Variants in PTPRM observed in about 807,000 individuals in gnomAD.
PTPRM encodes protein tyrosine phosphatase receptor type M, also known as receptor-type tyrosine-protein phosphatase mu.
A neutral mutation model predicts 186.7 loss-of-function variants in PTPRM; 47 were observed. That is an observed-to-expected ratio of 0.25 (90% CI 0.20 to 0.32). The LOEUF (loss-of-function observed/expected upper bound fraction) is 0.32, where lower values mean the gene tolerates loss of function less well. Ranked by LOEUF, PTPRM falls within the 10% of genes least tolerant of loss-of-function variation. The pLI is 1.00. For synonymous variants in PTPRM, 668 were observed against 674.9 expected, an observed-to-expected ratio of 0.99 and a Z score of 0.16; for missense variants, 1,494 against 1,865.0, an observed-to-expected ratio of 0.80 and a Z score of 3.66.
chr18:7,950,870 G>A (rs953816795), intron 6 of PTPRM, among the ~76,000 whole-genome samples: 8 of 151,984 alleles, frequency 5.3e-5, no homozygotes, highest in African/African-American at 1.7e-4. Flanking sequence ...GAATATCCAG[G>A]GACACAGCCT....
intron 19 of PTPRM, among the ~76,000 whole-genome samples, chr18:8,283,321 T>A (rs1282915038): frequency 6.6e-6 from 1 of 152,270 alleles, no homozygotes; most frequent in African/African-American, 2.4e-5. Flanking sequence ...AATAAAAAGC[T>A]TTTTAAAATC....
At chr18:7,905,062 C>A (rs142782671) in intron 3 of PTPRM, among the ~76,000 whole-genome samples, 1 of 151,968 alleles carries the variant, frequency 6.6e-6, no homozygotes. Flanking sequence ...GGCACAATCT[C>A]GGCTCACTGC....
At chr18:8,239,203 T>C (rs369094543) in intron 14 of PTPRM, among the ~76,000 whole-genome samples, 22 of 136,822 alleles carry the variant, frequency 1.6e-4, no homozygotes, top group Non-Finnish European at 2.8e-4. Flanking sequence ...TCTCCATGTG[T>C]TCTCATTGTT....
chr18:8,176,335 A>G (rs2093481350), intron 14 of PTPRM, among the ~76,000 whole-genome samples: 1 of 152,196 alleles, frequency 6.6e-6, no homozygotes, highest in African/African-American at 2.4e-5. Flanking sequence ...ATAGCCATCT[A>G]TTGCCAGTGA....
At chr18:7,819,859 G>A (rs906386349) in intron 2 of PTPRM, among the ~76,000 whole-genome samples, 2 of 152,128 alleles carry the variant, frequency 1.3e-5, no homozygotes, top group Non-Finnish European at 2.9e-5. Context: ...GTCCTAAGAG[G>A]GGGACAAGGG....
intron 1 of PTPRM, among the ~76,000 whole-genome samples, chr18:7,762,109 G>T (rs141064543): frequency 2.6e-5 from 4 of 152,106 alleles, no homozygotes; most frequent in African/African-American, 9.7e-5. Flanking sequence ...TTCAAGGACC[G>T]CCCAGTGCAA....
intron 13 of PTPRM, among the ~76,000 whole-genome samples, chr18:8,135,472 A>G (rs1012785767): frequency 2.0e-5 from 3 of 151,904 alleles, no homozygotes; most frequent in African/African-American, 7.3e-5. Context: ...CCTGGGTCCT[A>G]CCTCAGACCT....
At chr18:7,795,127 G>A (rs2043554707) in intron 2 of PTPRM, among the ~76,000 whole-genome samples, 1 of 152,220 alleles carries the variant, frequency 6.6e-6, no homozygotes, top group African/African-American at 2.4e-5. Context: ...CAGGCGTTTG[G>A]CTGCTGGCAG....
intron 7 of PTPRM, among the ~76,000 whole-genome samples, chr18:8,009,877 A>G (rs534456712): frequency 1.3e-5 from 2 of 152,320 alleles, no homozygotes; most frequent in Admixed American, 1.3e-4. Context: ...ACTCGAGATA[A>G]TAAACTATTT....
At chr18:8,042,731 G>A (rs1286151170) in intron 7 of PTPRM, among the ~76,000 whole-genome samples, 1 of 151,976 alleles carries the variant, frequency 6.6e-6, no homozygotes, top group Non-Finnish European at 1.5e-5. Flanking sequence ...TTGTCCCATT[G>A]TCCCCTGTCC....
chr18:7,759,594 T>C (rs2041674240), intron 1 of PTPRM, among the ~76,000 whole-genome samples: 1 of 152,216 alleles, frequency 6.6e-6, no homozygotes, highest in Non-Finnish European at 1.5e-5. Context: ...CCACCCACTT[T>C]TCATATGTCT....
At chr18:8,038,932 C>T (rs145451830) in intron 7 of PTPRM, among the ~76,000 whole-genome samples, 2,187 of 152,100 alleles carry the variant, frequency 0.014, 22 homozygotes, top group Non-Finnish European at 0.018. Context: ...GCGTTTGGAA[C>T]ATCTTGAATT....
chr18:8,240,443 AAG>A (rs535128651), intron 14 of PTPRM, among the ~76,000 whole-genome samples: 82 of 91,040 alleles, frequency 9.0e-4, no homozygotes, highest in Non-Finnish European at 9.4e-4. Flanking sequence ...CTCAAAAATA[AAG>A]AGAGAGAGAG....
At chr18:7,722,754 AC>A (rs2040472177) in intron 1 of PTPRM, among the ~76,000 whole-genome samples, 1 of 152,216 alleles carries the variant, frequency 6.6e-6, no homozygotes, top group Non-Finnish European at 1.5e-5. Flanking sequence ...GGGATAATCT[AC>A]CTAATATTAA....
chr18:7,901,898 A>G (rs553329597), intron 3 of PTPRM, among the ~76,000 whole-genome samples: 15 of 152,358 alleles, frequency 9.8e-5, no homozygotes, highest in Middle Eastern at 3.4e-3. Context: ...TTGATGAAGC[A>G]GCTAATAAAA....
chr18:7,834,501 C>CACACACACAT (rs1555613435), intron 2 of PTPRM, among the ~76,000 whole-genome samples: 2 of 140,316 alleles, frequency 1.4e-5, no homozygotes, highest in African/African-American at 5.6e-5. Context: ...TACACACACA[C>CACACACACAT]ACACACACAC....
Position 7,752,053 on chromosome 18 carries a change from T to C in PTPRM, c.74-22096T>C, listed in dbSNP as rs939016384. On this transcript the variant is annotated intron_variant, in intron 1 of 32. Coordinates refer to ENST00000580170, the MANE Select transcript of PTPRM (RefSeq NM_001105244.2). ...GCAGAGTTGTTGGCTGAATGACTTT[T>C]CTGCTGTCTGGCATTTACCAAGCGT... 2.6e-5 allele frequency among the ~76,000 whole-genome samples: 4 copies of C among 152,382 alleles called. No homozygotes were observed. The South Asian group carries it at 8.3e-4, about 32-fold the overall frequency.
intron 2 of PTPRM, among the ~76,000 whole-genome samples, chr18:7,868,778 T>C (rs2047839500): frequency 6.6e-6 from 1 of 152,214 alleles, no homozygotes; most frequent in African/African-American, 2.4e-5. Context: ...AACGTTTAAG[T>C]CTGCTGAAGC....
At chr18:8,347,785 T>G (rs931577232) in intron 23 of PTPRM, among the ~76,000 whole-genome samples, 1 of 152,256 alleles carries the variant, frequency 6.6e-6, no homozygotes, top group Admixed American at 6.5e-5. Context: ...CTCAACCATT[T>G]CAGGTCTGGT....
Sources: gnomAD v4.1 joint callset for allele counts (sites outside exome capture counted in the v4.1 genomes callset) on GRCh38, gnomAD v4.1.1 for gene constraint, MANE v1.5 for transcripts, NCBI Gene and HGNC (gene_info 2026-07-23, HGNC 2026-07-21) for gene names.